The following PHACTR3 variants were observed in gnomAD, a reference collection of about 807,000 sequenced individuals.
The protein encoded by PHACTR3 is phosphatase and actin regulator 3, also known as protein phosphatase 1, regulatory subunit 123.
PHACTR3 carries 16 observed loss-of-function variants against 66.8 expected under a neutral mutation model. The observed-to-expected ratio is 0.24, with a 90% CI of 0.16 to 0.36. PHACTR3 has a LOEUF of 0.36. Among genes scored for constraint, PHACTR3 ranks in the 10% least tolerant of loss-of-function variants. The pLI is 1.00. For synonymous variants in PHACTR3, 323 were observed against 292.1 expected, an observed-to-expected ratio of 1.11 and a Z score of -1.08; for missense variants, 647 against 719.9, an observed-to-expected ratio of 0.90 and a Z score of 1.16.
chr20:59,596,832 T>TC (rs1329618642), intron 1 of PHACTR3, among the ~76,000 whole-genome samples: 1 of 152,168 alleles, frequency 6.6e-6, no homozygotes, highest in Non-Finnish European at 1.5e-5. Flanking sequence ...CAAATATAGG[T>TC]CACGTGCAGG....
At chr20:59,595,908 T>G (rs1012198497) in intron 1 of PHACTR3, among the ~76,000 whole-genome samples, 4 of 152,210 alleles carry the variant, frequency 2.6e-5, no homozygotes, top group Non-Finnish European at 5.9e-5. Flanking sequence ...TTTTATTTTT[T>G]TACTCTTAAT....
At chr20:59,757,779 C>A (rs2039855382) in intron 4 of PHACTR3, among the ~76,000 whole-genome samples, 1 of 152,134 alleles carries the variant, frequency 6.6e-6, no homozygotes, top group African/African-American at 2.4e-5. Context: ...TAGCATGACG[C>A]CATCTCTACA....
At chr20:59,767,678 A>C (rs1012989217) in intron 5 of PHACTR3, among the ~76,000 whole-genome samples, 1 of 152,150 alleles carries the variant, frequency 6.6e-6, no homozygotes, top group African/African-American at 2.4e-5. Flanking sequence ...CAAACAGGGG[A>C]GTCTCTTTGC....
At chr20:59,734,633 T>C (rs1051792000) in intron 1 of PHACTR3, among the ~76,000 whole-genome samples, 5 of 152,184 alleles carry the variant, frequency 3.3e-5, no homozygotes, top group Non-Finnish European at 5.9e-5. Flanking sequence ...GTGTAGTGTG[T>C]GTGTGTGTTG....
chr20:59,799,143 A>C (rs2041341255), intron 7 of PHACTR3, among the ~76,000 whole-genome samples: 1 of 151,986 alleles, frequency 6.6e-6, no homozygotes, highest in African/African-American at 2.4e-5. Flanking sequence ...CTGGTCAGAG[A>C]ACATACTTGG....
chr20:59,667,831 GGT>G (rs2036044176), intron 1 of PHACTR3, among the ~76,000 whole-genome samples: 1 of 152,302 alleles, frequency 6.6e-6, no homozygotes, highest in African/African-American at 2.4e-5. Context: ...AGAAGGGGCA[GGT>G]GTGTGTGATG....
intron 1 of PHACTR3, among the ~76,000 whole-genome samples, chr20:59,645,635 T>A (rs2035256635): frequency 6.6e-6 from 1 of 152,194 alleles, no homozygotes; most frequent in South Asian, 2.1e-4. Flanking sequence ...TTATATTGCA[T>A]ATAAAACATA....
intron 11 of PHACTR3, chr20:59,843,934 G>A (rs377663965): frequency 2.6e-5 from 4 of 151,694 alleles, no homozygotes; most frequent in African/African-American, 9.7e-5. Context: ...ATCCAAAAAG[G>A]GACTAATATC....
At chr20:59,751,678 C>A (rs2039590287) in intron 3 of PHACTR3, among the ~76,000 whole-genome samples, 1 of 152,042 alleles carries the variant, frequency 6.6e-6, no homozygotes, top group Non-Finnish European at 1.5e-5. Context: ...CCACTGTGAC[C>A]CCCTCCCCTC....
intron 1 of PHACTR3, among the ~76,000 whole-genome samples, chr20:59,578,544 G>A (rs766007757): frequency 1.3e-4 from 20 of 152,300 alleles, no homozygotes; most frequent in Admixed American, 6.5e-4. Flanking sequence ...TCAGTGCCTC[G>A]AAACGGGTTG....
intron 1 of PHACTR3, among the ~76,000 whole-genome samples, chr20:59,742,410 G>A (rs537638201): frequency 5.9e-5 from 9 of 152,310 alleles, no homozygotes; most frequent in South Asian, 2.1e-4. Flanking sequence ...AAACATGGCC[G>A]TTTCATGGAC....
chr20:59,702,259 T>A (rs185767993), intron 1 of PHACTR3, among the ~76,000 whole-genome samples: 3 of 152,296 alleles, frequency 2.0e-5, no homozygotes, highest in African/African-American at 4.8e-5. Context: ...CTGGACCCAC[T>A]GTCATCACCT....
chr20:59,725,606 A>G (rs2038533709), intron 1 of PHACTR3, among the ~76,000 whole-genome samples: 1 of 152,120 alleles, frequency 6.6e-6, no homozygotes, highest in South Asian at 2.1e-4. Context: ...GAGAGCAAGT[A>G]ATTTATAAGA....
chr20:59,657,441 G>A (rs144293898), intron 1 of PHACTR3, among the ~76,000 whole-genome samples: 1 of 152,130 alleles, frequency 6.6e-6, no homozygotes, highest in African/African-American at 2.4e-5. Flanking sequence ...GGTGTCACTT[G>A]ATTTCAGCCT....
intron 1 of PHACTR3, among the ~76,000 whole-genome samples, chr20:59,593,077 GTCTT>G (rs1364435556): frequency 6.6e-6 from 1 of 152,214 alleles, no homozygotes; most frequent in Non-Finnish European, 1.5e-5. Flanking sequence ...CCACAAAGCT[GTCTT>G]CCAAAGTAGC....
chr20:59,828,942 GCAGATGGATGGATGGA>G (rs377195851), intron 8 of PHACTR3, among the ~76,000 whole-genome samples: 30 of 152,122 alleles, frequency 2.0e-4, no homozygotes, highest in African/African-American at 6.7e-4. Context: ...ATGGAGAGAG[GCAGATGGATGGATGGA>G]CGGATGGATG....
At chr20:59,660,405 A>T (rs904998441) in intron 1 of PHACTR3, among the ~76,000 whole-genome samples, 2 of 152,192 alleles carry the variant, frequency 1.3e-5, no homozygotes, top group South Asian at 4.1e-4. Context: ...GAGGCAGGAG[A>T]ATGGCGTGAA....
At chr20:59,816,235 A>G (rs1358321304) in intron 8 of PHACTR3, among the ~76,000 whole-genome samples, 1 of 152,046 alleles carries the variant, frequency 6.6e-6, no homozygotes, top group Non-Finnish European at 1.5e-5. Context: ...TGAGAATCGA[A>G]TGCTGCTGCT....
intron 1 of PHACTR3, among the ~76,000 whole-genome samples, chr20:59,739,867 C>G (rs2039087797): frequency 6.6e-6 from 1 of 152,018 alleles, no homozygotes; most frequent in Non-Finnish European, 1.5e-5. Context: ...CTCGATGCAG[C>G]TTTGGAAGGT....
Sources: gnomAD v4.1 joint callset for allele counts (sites outside exome capture counted in the v4.1 genomes callset) on GRCh38, gnomAD v4.1.1 for gene constraint, MANE v1.5 for transcripts, NCBI Gene and HGNC (gene_info 2026-07-23, HGNC 2026-07-21) for gene names.